TAF5L: variants seen among roughly 807,000 people sequenced by gnomAD.
TAF5L encodes TATA-box binding protein associated factor 5 like, also known as TAF5-like RNA polymerase II p300/CBP-associated factor-associated factor 65 kDa subunit 5L.
A neutral mutation model predicts 51.3 loss-of-function variants in TAF5L; 7 were observed. The ratio of observed to expected loss-of-function variants is 0.14; its 90% CI spans 0.08 to 0.26. The LOEUF is 0.26. Among genes scored for constraint, TAF5L ranks in the 10% least tolerant of loss-of-function variants. The probability of loss-of-function intolerance (pLI) is 1.00; values close to 1 mark genes in which losing one functional copy is unlikely to be tolerated. For synonymous variants in TAF5L, 291 were observed against 308.1 expected (o/e 0.94, Z 0.58); for missense variants, 575 against 758.9 (o/e 0.76, Z 2.85).
intron 1 of TAF5L, among the ~76,000 whole-genome samples, chr1:229,615,818 T>C (rs926209974): frequency 4.6e-5 from 7 of 152,158 alleles, no homozygotes; most frequent in African/African-American, 1.2e-4. Flanking sequence ...ACCAAAATAT[T>C]GTGTCCATTT....
intron 4 of TAF5L, chr1:229,600,914 AT>A (rs921556906): frequency 2.2e-4 from 219 of 980,960 alleles, no homozygotes; most frequent in Non-Finnish European, 2.5e-4. Flanking sequence ...GGTCAGTGTA[AT>A]TTTTTTTTGT....
At chr1:229,614,564 G>A in intron 1 of TAF5L, 79 bp from the exon 2 acceptor site, 1 of 1,556,436 alleles carries the variant, frequency 6.4e-7, no homozygotes, top group African/African-American at 1.4e-5. Context: ...CATCGCAGAT[G>A]GGTAGGACAC....
In TAF5L at chr1:229,594,918, A is replaced by T; in HGVS notation, c.1149T>A (p.His383Gln). The change falls in exon 5 of 5, where the codon CAT becomes CAA. Residue 383 changes from histidine (H) to glutamine (Q), a missense_variant. Around this residue, in one of 3 missense-constraint regions of TAF5L, gnomAD observed 104 missense variants for 218.3 expected, o/e 0.48. Coordinates refer to ENST00000258281, the Ensembl canonical transcript of TAF5L. The surrounding 1 kb of genome is among the most constrained non-coding windows in gnomAD (Gnocchi z 7.9). ...TGTCCAGATCCCACACAGGATAGGC[A>T]TGTCCTTGGTACAACACAGTGTTGG... 1 of 1,614,228 alleles carries T rather than the reference A, an allele frequency of 6.2e-7. No homozygotes were observed. Among genetic ancestry groups the T allele is most frequent in the Non-Finnish European group, 8.5e-7 (1 of 1,180,032 alleles).
At chr1:229,605,037 A>C (rs1664532732) in intron 3 of TAF5L, among the ~76,000 whole-genome samples, 1 of 151,976 alleles carries the variant, frequency 6.6e-6, no homozygotes, top group African/African-American at 2.4e-5. Flanking sequence ...TCCTGGGTTC[A>C]AGTGATTGTC....
chr1:229,622,163 C>T (rs1429819187), intron 1 of TAF5L, among the ~76,000 whole-genome samples: 1 of 151,668 alleles, frequency 6.6e-6, no homozygotes, highest in Non-Finnish European at 1.5e-5. Flanking sequence ...TGTGATACCC[C>T]CCACCCCCAT....
chr1:229,623,307 C>G (rs1276545588), intron 1 of TAF5L, among the ~76,000 whole-genome samples: 1 of 152,238 alleles, frequency 6.6e-6, no homozygotes, highest in Non-Finnish European at 1.5e-5. Flanking sequence ...AAAATACTTT[C>G]TACTGCCTCC....
chr1:229,594,515 A>G lies in TAF5L; in HGVS notation c.1552T>C (p.Phe518Leu). 1 of 1,614,132 alleles carries G rather than the reference A, an allele frequency of 6.2e-7. No individual in the cohort carries two copies. Among genetic ancestry groups the G allele is most frequent in the Non-Finnish European group, 8.5e-7 (1 of 1,179,950 alleles). ...GCAATCAAGCCGCTGTCTGGACTGAAGGTGAGGCTGGTGATATTGTCTGTG... is the reference window on the plus strand; with the variant it reads ...GCAATCAAGCCGCTGTCTGGACTGAGGGTGAGGCTGGTGATATTGTCTGTG... Residue 518 changes from phenylalanine (F) to leucine (L), a missense_variant, in exon 5 of 5, where the codon TTC (phenylalanine) becomes CTC (leucine). Transcript: ENST00000258281. The surrounding 1 kb of genome is among the most constrained non-coding windows in gnomAD (Gnocchi z 7.9).
chr1:229,621,240 C>T (rs1284822331), intron 1 of TAF5L, among the ~76,000 whole-genome samples: 1 of 152,202 alleles, frequency 6.6e-6, no homozygotes, highest in Admixed American at 6.5e-5. Context: ...ATGACATTAC[C>T]TGGTGAAACT....
At position 229,625,100 on chromosome 1, in the gene TAF5L, A is replaced by G. The variant is rs921547062; in HGVS notation, c.-4+785T>C. ...CAAAGACTGCGAGATCCGCATTACA[A>G]CGACTTTCACAACTGATGGGAGAAC... On this transcript the variant is annotated intron_variant, in intron 1 of 4. Transcript: ENST00000258281. This position sits in a 1 kb window ranked among gnomAD's most constrained non-coding sequence, Gnocchi z 4.0. Among the ~76,000 whole-genome samples the G allele has an allele frequency of 6.6e-5, 10 of 152,208 alleles. No homozygotes were observed. The highest frequency in any genetic ancestry group is 2.4e-4 in the African/African-American group (10 of 41,452).
At chr1:229,605,955 G>A (rs1198525424) in intron 3 of TAF5L, among the ~76,000 whole-genome samples, 1 of 151,970 alleles carries the variant, frequency 6.6e-6, no homozygotes, top group Non-Finnish European at 1.5e-5. Context: ...ACTAGATTTT[G>A]GTTTTTCTTT....
intron 3 of TAF5L, among the ~76,000 whole-genome samples, chr1:229,603,914 C>T (rs918213887): frequency 6.6e-6 from 1 of 152,200 alleles, no homozygotes; most frequent in Non-Finnish European, 1.5e-5. Flanking sequence ...GAGACCAGCC[C>T]GTGTCACAGT....
chr1:229,621,386 G>C (rs942823927), intron 1 of TAF5L, among the ~76,000 whole-genome samples: 2 of 148,344 alleles, frequency 1.3e-5, no homozygotes, highest in African/African-American at 5.0e-5. Context: ...GCCAAACATT[G>C]TGAAGTTATT....
chr1:229,599,906 G>A, intron 4 of TAF5L: 1 of 985,486 alleles, frequency 1.0e-6, no homozygotes, highest in Non-Finnish European at 1.2e-6. Context: ...GAGAGTGCAA[G>A]CTGGCTTTTT....
chr1:229,610,177 G>C, exon 3 of TAF5L: 1 of 1,614,164 alleles, frequency 6.2e-7, no homozygotes, highest in Non-Finnish European at 8.5e-7. Context: ...AGGGGCTGCA[G>C]ACACTATGTT....
chr1:229,614,022 T>C (rs1332128758), intron 2 of TAF5L: 11 of 590,798 alleles, frequency 1.9e-5, no homozygotes, highest in Non-Finnish European at 2.7e-5. Context: ...CTAAGGGTCT[T>C]GTAGGTTAAT....
At chr1:229,606,206 C>CA (rs1201793622) in intron 3 of TAF5L, 11 of 984,312 alleles carry the variant, frequency 1.1e-5, no homozygotes, top group African/African-American at 1.7e-5. Context: ...GGGTATAAAA[C>CA]AAAAAAACTG....
chr1:229,614,253 T>C (rs1664891222), intron 2 of TAF5L, 88 bp downstream of exon 2: 1 of 1,611,598 alleles, frequency 6.2e-7, no homozygotes, highest in Non-Finnish European at 8.5e-7. Context: ...TGGCACTGTC[T>C]TGAGAAGAGG....
intron 4 of TAF5L, among the ~76,000 whole-genome samples, chr1:229,597,631 C>T (rs151106933): frequency 5.9e-5 from 9 of 152,322 alleles, no homozygotes; most frequent in Non-Finnish European, 1.3e-4. Context: ...AGGATAATAC[C>T]ATACCCTACG....
rs777154613 is a variant in TAF5L, at chr1:229,602,573, G to A, written c.594C>T (p.Asp198=). Residue 198 remains aspartate (D), a synonymous_variant, in exon 4 of 5, where the codon GAC becomes GAT. Transcript: ENST00000258281. The surrounding 1 kb of genome is among the most constrained non-coding windows in gnomAD (Gnocchi z 4.6). ...AGTCTGTTCTCTTGGCAGGCTGCAC[G>A]TCAAGATGAATATGTAAGGTGAGGA... 31 of 1,614,096 alleles carry A rather than the reference G, an allele frequency of 1.9e-5. No individual in the cohort carries two copies. The highest frequency in any genetic ancestry group is 2.5e-5 in the Non-Finnish European group (29 of 1,180,056).
Sources: gnomAD v4.1 joint callset for allele counts (sites outside exome capture counted in the v4.1 genomes callset) on GRCh38, gnomAD v4.1.1 for gene constraint, gnomAD v4.1.1 regional missense constraint, Gnocchi (gnomAD v3.1) non-coding constraint, MANE v1.5 for transcripts, NCBI Gene and HGNC (gene_info 2026-07-23, HGNC 2026-07-21) for gene names.